The following PHF24 variants were observed in gnomAD, a reference collection of about 807,000 sequenced individuals.
The protein encoded by PHF24 is PHD finger protein 24.
In PHF24, 25 loss-of-function variants were observed where a neutral mutation model predicts 42.6. The observed-to-expected ratio is 0.59, with a 90% confidence interval of 0.43 to 0.82. PHF24 has a LOEUF of 0.82. PHF24 is among the 40% of genes least tolerant of loss of function. The pLI, the probability that PHF24 is intolerant of heterozygous loss-of-function variation, is 0.00. For missense variants in PHF24, 470 were observed against 538.1 expected, an observed-to-expected ratio of 0.87 and a Z score of 1.25; for synonymous variants, 185 against 204.8, an observed-to-expected ratio of 0.90 and a Z score of 0.83.
At chr9:34,909,722 C>T in the PHF24 span, among the ~76,000 whole-genome samples, 28 of 151,714 alleles carry the variant, frequency 1.8e-4, no homozygotes, top group Admixed American at 3.3e-4. Flanking sequence ...CCCGGGCTCA[C>T]GCCATTCTCC....
the PHF24 span, among the ~76,000 whole-genome samples, chr9:34,951,734 T>C: frequency 3.3e-5 from 5 of 152,338 alleles, no homozygotes; most frequent in East Asian, 9.6e-4. Flanking sequence ...TGTGATAATT[T>C]GTTACAGCAG....
chr9:34,980,390 G>T (rs989331604), exon 8 of PHF24: 1 of 152,298 alleles, frequency 6.6e-6, no homozygotes, highest in African/African-American at 2.4e-5. Context: ...CAAACTTCCT[G>T]GGTGAGGGCC....
chr9:34,926,141 G>T, the PHF24 span, among the ~76,000 whole-genome samples: 1 of 152,248 alleles, frequency 6.6e-6, no homozygotes, highest in Non-Finnish European at 1.5e-5. This position sits in a 1 kb window ranked among gnomAD's most constrained non-coding sequence, Gnocchi z 4.3. Flanking sequence ...GCCAGGGCTG[G>T]GTTCACTGGC....
At chr9:34,873,401 C>A in the PHF24 span, among the ~76,000 whole-genome samples, 1 of 152,078 alleles carries the variant, frequency 6.6e-6, no homozygotes, top group Non-Finnish European at 1.5e-5. Flanking sequence ...AGGAAGAGAT[C>A]CAGTTTCAGC....
At chr9:34,877,055 G>C in the PHF24 span, among the ~76,000 whole-genome samples, 1 of 152,268 alleles carries the variant, frequency 6.6e-6, no homozygotes, top group South Asian at 2.1e-4. Context: ...GCCAAGGTGG[G>C]CAGATCACCT....
the PHF24 span, among the ~76,000 whole-genome samples, chr9:34,936,718 A>G: frequency 1.6e-5 from 2 of 126,250 alleles, no homozygotes; most frequent in African/African-American, 3.3e-5. Flanking sequence ...CCTCTGCCCC[A>G]CCGCCCCGTC....
At chr9:34,847,497 T>G in the PHF24 span, among the ~76,000 whole-genome samples, 1 of 152,150 alleles carries the variant, frequency 6.6e-6, no homozygotes, top group South Asian at 2.1e-4. Flanking sequence ...AAGGAGATTT[T>G]GGGCTGAGAC....
the PHF24 span, among the ~76,000 whole-genome samples, chr9:34,884,215 T>G: frequency 5.2e-4 from 79 of 152,030 alleles, no homozygotes; most frequent in Non-Finnish European, 7.4e-5. Flanking sequence ...GGGTCTGTCA[T>G]GGAGTTGGGG....
chr9:34,696,418 A>G, the PHF24 span, among the ~76,000 whole-genome samples: 2 of 151,190 alleles, frequency 1.3e-5, no homozygotes, highest in Admixed American at 6.6e-5. Context: ...AACCCGGGAG[A>G]CAGAAGTTGC....
chr9:34,750,085 A>G, the PHF24 span, among the ~76,000 whole-genome samples: 1 of 152,236 alleles, frequency 6.6e-6, no homozygotes, highest in Non-Finnish European at 1.5e-5. Flanking sequence ...GAAATGCTTC[A>G]GTCTAAAAGA....
At chr9:34,759,600 C>A in the PHF24 span, among the ~76,000 whole-genome samples, 1 of 152,182 alleles carries the variant, frequency 6.6e-6, no homozygotes, top group Non-Finnish European at 1.5e-5. Flanking sequence ...TATTACCTAT[C>A]CAAACAGCTC....
chr9:34,852,921 G>A, the PHF24 span, among the ~76,000 whole-genome samples: 1 of 152,006 alleles, frequency 6.6e-6, no homozygotes. Flanking sequence ...CTCTGTACCT[G>A]GATAGTTACA....
the PHF24 span, among the ~76,000 whole-genome samples, chr9:34,728,848 T>C: frequency 1.3e-4 from 20 of 152,350 alleles, no homozygotes; most frequent in African/African-American, 4.3e-4. Context: ...TTGGATTCAC[T>C]TGGAGGCTTT....
chr9:34,759,721 G>T, the PHF24 span, among the ~76,000 whole-genome samples: 2 of 152,104 alleles, frequency 1.3e-5, no homozygotes, highest in African/African-American at 4.8e-5. Flanking sequence ...TCCTGCACCT[G>T]CTCCTGCCGG....
At chr9:34,907,992 G>A in the PHF24 span, among the ~76,000 whole-genome samples, 4 of 151,822 alleles carry the variant, frequency 2.6e-5, no homozygotes, top group Non-Finnish European at 5.9e-5. Context: ...ACAGGTGCCC[G>A]CCACCACACC....
chr9:34,890,231 G>T, the PHF24 span, among the ~76,000 whole-genome samples: 4 of 152,232 alleles, frequency 2.6e-5, no homozygotes, highest in Non-Finnish European at 5.9e-5. Flanking sequence ...CAGAAAGGGT[G>T]TTCTCTCTGG....
At chr9:34,915,571 G>A in the PHF24 span, among the ~76,000 whole-genome samples, 1 of 152,092 alleles carries the variant, frequency 6.6e-6, no homozygotes, top group Admixed American at 6.5e-5. Context: ...ACAAAGTAAA[G>A]AAGATCAGAG....
chr9:34,850,500 T>C, the PHF24 span, among the ~76,000 whole-genome samples: 2 of 152,226 alleles, frequency 1.3e-5, no homozygotes, highest in Non-Finnish European at 2.9e-5. Context: ...GTTATACATT[T>C]GTCTAAATTT....
the PHF24 span, chr9:34,726,987 G>A: frequency 6.5e-7 from 1 of 1,544,052 alleles, no homozygotes; most frequent in Non-Finnish European, 8.8e-7. Flanking sequence ...AGCCAGCCCT[G>A]GCTAGGAAGG....
Sources: gnomAD v4.1 joint callset for allele counts (sites outside exome capture counted in the v4.1 genomes callset) on GRCh38, gnomAD v4.1.1 for gene constraint, Gnocchi (gnomAD v3.1) non-coding constraint, MANE v1.5 for transcripts, NCBI Gene and HGNC (gene_info 2026-07-23, HGNC 2026-07-21) for gene names.